DCC: variants seen among roughly 807,000 people sequenced by gnomAD.
DCC encodes the protein netrin receptor DCC.
Under a neutral mutation model 172.5 loss-of-function variants are expected in DCC, and 58 were observed. That is an observed-to-expected ratio of 0.34 (90% CI 0.27 to 0.42). The LOEUF (loss-of-function observed/expected upper bound fraction) is 0.42. Among genes scored for constraint, DCC ranks in the 10% least tolerant of loss-of-function variants. DCC has a pLI of 1.00. For synonymous variants in DCC, 709 were observed against 644.5 expected, an observed-to-expected ratio of 1.10 and a Z score of -1.52; for missense variants, 1,740 against 1,791.0, an observed-to-expected ratio of 0.97 and a Z score of 0.51.
chr18:52,480,249 GA>G (rs2029901272), intron 1 of DCC, among the ~76,000 whole-genome samples: 1 of 150,928 alleles, frequency 6.6e-6, no homozygotes, highest in Non-Finnish European at 1.5e-5. Context: ...TATTAAATAA[GA>G]ACAGGGGATA....
intron 9 of DCC, among the ~76,000 whole-genome samples, chr18:53,189,648 C>T (rs1304793623): frequency 6.6e-6 from 1 of 152,162 alleles, no homozygotes; most frequent in Non-Finnish European, 1.5e-5. Flanking sequence ...ATCATATTTG[C>T]TATGCTCTTA....
chr18:52,370,832 T>C lies in DCC; in HGVS notation c.91+29954T>C, dbSNP rs555299928. On this transcript the variant is annotated intron_variant, in intron 1 of 28. Transcript: ENST00000442544. ...GAAATTGTTTAACCATTTTAAAAAA[T>C]ATTTTTTGATGGAGAAGAAAGGAAT... Among the ~76,000 whole-genome samples the C allele has an allele frequency of 3.9e-5, 6 of 152,350 alleles. No homozygotes were observed. In the South Asian group the frequency reaches 1.0e-3, roughly 26 times the overall value.
intron 2 of DCC, among the ~76,000 whole-genome samples, chr18:52,877,811 T>TA (rs33925252): frequency 0.9 from 136,454 of 151,686 alleles, 61,798 homozygotes; most frequent in Middle Eastern, 0.97. Flanking sequence ...GTCATGAGAT[T>TA]AAAAAAAATT....
At chr18:52,807,720 G>GTA (rs1210954721) in intron 2 of DCC, among the ~76,000 whole-genome samples, 1 of 152,110 alleles carries the variant, frequency 6.6e-6, no homozygotes, top group Non-Finnish European at 1.5e-5. Flanking sequence ...TACCAGATCC[G>GTA]TATATAATAC....
chr18:53,181,259 G>A (rs2055191690), intron 9 of DCC, among the ~76,000 whole-genome samples: 1 of 152,084 alleles, frequency 6.6e-6, no homozygotes, highest in Admixed American at 6.5e-5. Flanking sequence ...TTTCAGAGCT[G>A]ACTAGTCATG....
chr18:52,358,819 G>A (rs758454630), intron 1 of DCC, among the ~76,000 whole-genome samples: 13 of 152,238 alleles, frequency 8.5e-5, no homozygotes, highest in East Asian at 1.9e-4. Context: ...GGCAGCCACC[G>A]TCTCTTGCCA....
chr18:53,273,245 T>A (rs1005311635), intron 12 of DCC, among the ~76,000 whole-genome samples: 2 of 152,164 alleles, frequency 1.3e-5, no homozygotes, highest in Non-Finnish European at 2.9e-5. Context: ...CTTATGATTT[T>A]TTTCATAATA....
chr18:52,969,017 C>A (rs368005236), intron 5 of DCC, among the ~76,000 whole-genome samples: 11,170 of 150,358 alleles, frequency 0.074, 471 homozygotes, highest in South Asian at 0.15. Context: ...ACAACAACAA[C>A]AAAAAAAAAC....
intron 1 of DCC, among the ~76,000 whole-genome samples, chr18:52,679,778 T>C (rs2035712033): frequency 6.6e-6 from 1 of 152,162 alleles, no homozygotes; most frequent in Admixed American, 6.6e-5. Flanking sequence ...TTTACTTCCC[T>C]AAATCAAAAC....
chr18:52,977,232 T>A (rs1295277264), intron 5 of DCC, among the ~76,000 whole-genome samples: 1 of 152,192 alleles, frequency 6.6e-6, no homozygotes, highest in Non-Finnish European at 1.5e-5. Context: ...TGTCTTATAA[T>A]GTGCTCATCT....
intron 8 of DCC, among the ~76,000 whole-genome samples, chr18:53,159,479 C>T (rs1469073240): frequency 6.6e-6 from 1 of 152,160 alleles, no homozygotes; most frequent in Non-Finnish European, 1.5e-5. Context: ...TCGCTCCTCA[C>T]CTGCCAATCC....
intron 15 of DCC, among the ~76,000 whole-genome samples, chr18:53,359,667 A>G (rs1484204917): frequency 1.3e-5 from 2 of 152,196 alleles, no homozygotes; most frequent in South Asian, 2.1e-4. Context: ...AGAATGAGCC[A>G]TGAAAAGGAA....
chr18:52,901,425 C>A (rs112878207), intron 2 of DCC, among the ~76,000 whole-genome samples: 11 of 151,498 alleles, frequency 7.3e-5, no homozygotes, highest in African/African-American at 1.2e-4. Context: ...GTATAAGACT[C>A]GGGCTCAAAA....
chr18:52,495,027 C>A (rs1366205046), intron 1 of DCC, among the ~76,000 whole-genome samples: 1 of 152,058 alleles, frequency 6.6e-6, no homozygotes, highest in Non-Finnish European at 1.5e-5. Flanking sequence ...GATTATATTT[C>A]TCTCATTCAC....
At chr18:52,863,184 CCA>C (rs548511994) in intron 2 of DCC, among the ~76,000 whole-genome samples, 32 of 152,054 alleles carry the variant, frequency 2.1e-4, no homozygotes, top group Middle Eastern at 4.1e-3. Context: ...TTAATGAAAA[CCA>C]CATTCTCATG....
rs146891692 is a variant in DCC, at chr18:53,100,459, G to C, written c.1261+34293G>C. On this transcript the variant is annotated intron_variant, in intron 7 of 28. Transcript: ENST00000442544. ...AATAAATAGAAAGGAGAAAGAAACT[G>C]TTTCAGTGTTGAAGTAAAGTCAGAG... is the stretch of plus-strand genomic sequence containing the variant. 1.6e-3 allele frequency among the ~76,000 whole-genome samples: 236 copies of C among 152,134 alleles called. 1 individual carries two copies. The highest frequency in any genetic ancestry group is 5.5e-3 in the African/African-American group (230 of 41,514).
chr18:52,554,553 C>T (rs769084830), intron 1 of DCC, among the ~76,000 whole-genome samples: 5 of 152,074 alleles, frequency 3.3e-5, no homozygotes, highest in East Asian at 1.9e-4. Context: ...TTAGCAGAAA[C>T]GTGAAAAATC....
chr18:52,799,243 A>T lies in DCC; in HGVS notation c.412+46869A>T, dbSNP rs2037936741. ...AGCGGAGCTAACATTCTTATGATCC[A>T]TGAAGTTGTTTATGTTGTCCTGCAT... On this transcript the variant is annotated intron_variant, in intron 2 of 28. Transcript: ENST00000442544. Among the ~76,000 whole-genome samples, 3 of 152,230 alleles carry T rather than the reference A, an allele frequency of 2.0e-5. No individual in the cohort carries two copies. In the South Asian group the frequency reaches 6.2e-4, roughly 31 times the overall value.
intron 1 of DCC, among the ~76,000 whole-genome samples, chr18:52,563,297 T>C (rs2033082308): frequency 6.6e-6 from 1 of 152,132 alleles, no homozygotes; most frequent in Non-Finnish European, 1.5e-5. Flanking sequence ...TAAACATAGG[T>C]ATTAGAAGAA....
Sources: allele counts gnomAD v4.1 joint callset (sites outside exome capture counted in the v4.1 genomes callset), GRCh38; gene constraint gnomAD v4.1.1; transcripts MANE v1.5; gene names NCBI Gene and HGNC (gene_info 2026-07-23, HGNC 2026-07-21).